Variants in C19orf81 observed in about 807,000 individuals in gnomAD.
C19orf81 encodes chromosome 19 open reading frame 81.
C19orf81 carries 19 observed loss-of-function variants against 22.1 expected under a neutral mutation model. The ratio of observed to expected loss-of-function variants is 0.86; its 90% CI spans 0.60 to 1.26. C19orf81 has a LOEUF of 1.26. Ranked by LOEUF, C19orf81 falls within the 50% of genes most tolerant of loss-of-function variation. The pLI, the probability that C19orf81 is intolerant of heterozygous loss-of-function variation, is 0.00. For synonymous variants in C19orf81, 108 were observed against 113.1 expected (o/e 0.95, Z 0.29); for missense variants, 287 against 280.7 (o/e 1.02, Z -0.16).
rs144601091 is a variant in C19orf81, at chr19:50,658,790, G to A, written c.402-157G>A. ...GTAAGGAGCCTAGAGCGACCCAGGC[G>A]AGAGGGCAGGGCTGGAGGGGAGTTT... On this transcript the variant is annotated intron_variant, in intron 4 of 4. Coordinates refer to ENST00000425202, the MANE Select transcript of C19orf81 (RefSeq NM_001195076.2). Among the ~76,000 whole-genome samples the A allele has an allele frequency of 1.6e-3, 242 of 152,192 alleles. 1 individual carries two copies. Among genetic ancestry groups the A allele is most frequent in the Middle Eastern group, 0.01 (3 of 294 alleles).
chr19:50,657,574 TAATACGAATATAAAAGGA>T lies in C19orf81; in HGVS notation c.262-412_262-395del, dbSNP rs372020179. Among the ~76,000 whole-genome samples, 786 of 152,342 alleles carry T rather than the reference TAATACGAATATAAAAGGA, an allele frequency of 5.2e-3. 9 individuals carry two copies. Among genetic ancestry groups the T allele is most frequent in the African/African-American group, 0.018 (749 of 41,580 alleles). On this transcript the variant is annotated intron_variant, in intron 3 of 4. Transcript: ENST00000425202. ...TGACTACTGAACATTCTTAAAATGC[TAATACGAATATAAAAGGA>T]AAGGTGTGTAACTTAAATCCTGGCA...
In C19orf81 at chr19:50,659,033, T is replaced by C. The variant is rs2123046885; in HGVS notation, c.488T>C (p.Val163Ala). The C allele has an allele frequency of 6.5e-7, 1 of 1,529,346 alleles. No individual in the cohort carries two copies. Among genetic ancestry groups the C allele is most frequent in the Admixed American group, 2.0e-5 (1 of 50,508 alleles). The allele number at this position is 1,529,346 out of a possible 1,614,324, so 94.7% of individuals were successfully genotyped here. ...CCCCGCGGGCTTGCGCACCAGATCG[T>C]GCGCCACGACGACCTCCTGCTGGGC... Reference protein sequence around the residue: ...LSPRGLAHQIVRHDDLLLGDY... With the variant: ...LSPRGLAHQIARHDDLLLGDY... The change falls in exon 5 of 5, where the codon GTG becomes GCG. Residue 163 changes from valine (V) to alanine (A), a missense_variant. By Grantham distance (64) the Val-to-Ala change is moderately conservative. Transcript: ENST00000425202.
Position 50,656,358 on chromosome 19 carries a change from T to C in C19orf81, c.261+12T>C. On this transcript the variant is annotated intron_variant, in intron 3 of 4. Coordinates refer to ENST00000425202, the MANE Select transcript of C19orf81 (RefSeq NM_001195076.2). ...GCATGGAGACCTTGGTGAGTGGACC[T>C]GTGCCCTTATTTTCTGCACAGTTTT... 2.0e-6 allele frequency: 3 copies of C among 1,529,848 alleles called. No homozygotes were observed. The highest frequency in any genetic ancestry group is 2.6e-6 in the Non-Finnish European group (3 of 1,142,812). The allele number at this position is 1,529,848 out of a possible 1,614,324, so 94.8% of individuals were successfully genotyped here.
intron 1 of C19orf81, among the ~76,000 whole-genome samples, chr19:50,654,163 C>G (rs1489116794): frequency 6.6e-6 from 1 of 152,146 alleles, no homozygotes; most frequent in Non-Finnish European, 1.5e-5. Flanking sequence ...CTGCTTCCCT[C>G]CCTTTCAGCA....
At chr19:50,653,101 G>A (rs952680725) in intron 1 of C19orf81, among the ~76,000 whole-genome samples, 1 of 152,096 alleles carries the variant, frequency 6.6e-6, no homozygotes, top group Admixed American at 6.5e-5. Flanking sequence ...GCAGTGGCAC[G>A]ATCCCGGCTC....
intron 1 of C19orf81, among the ~76,000 whole-genome samples, chr19:50,652,578 C>G (rs568480043): frequency 2.0e-4 from 31 of 152,200 alleles, no homozygotes; most frequent in African/African-American, 5.8e-4. Context: ...GAGTCCAAGT[C>G]GCAGAAAAAC....
chr19:50,649,829 C>T (rs942065595), intron 1 of C19orf81: 2 of 506,688 alleles, frequency 3.9e-6, no homozygotes, highest in African/African-American at 3.8e-5. Context: ...CCACCCTGAG[C>T]TCAGCATCTT....
At chr19:50,653,024 T>A (rs1227536976) in intron 1 of C19orf81, among the ~76,000 whole-genome samples, 1 of 152,118 alleles carries the variant, frequency 6.6e-6, no homozygotes, top group South Asian at 2.1e-4. Context: ...CAATGGAAAG[T>A]ATTTTATTCT....
chr19:50,658,522 C>T (rs1242071410), intron 4 of C19orf81: 4 of 262,240 alleles, frequency 1.5e-5, no homozygotes, highest in East Asian at 8.4e-5. Context: ...GAGTAGGGGC[C>T]CGAGTTTGAG....
intron 1 of C19orf81, among the ~76,000 whole-genome samples, chr19:50,655,648 C>CAA (rs772068035): frequency 0.054 from 7,214 of 133,498 alleles, 186 homozygotes; most frequent in African/African-American, 0.072. Context: ...GACTCTGTCT[C>CAA]AAAAAAAAAA....
At chr19:50,650,513 A>G (rs1217917579) in intron 1 of C19orf81, among the ~76,000 whole-genome samples, 1 of 152,210 alleles carries the variant, frequency 6.6e-6, no homozygotes, top group African/African-American at 2.4e-5. Flanking sequence ...ATCTCTAAAA[A>G]TACAAAAATT....
At chr19:50,653,770 G>T (rs533337873) in intron 1 of C19orf81, among the ~76,000 whole-genome samples, 7 of 149,812 alleles carry the variant, frequency 4.7e-5, no homozygotes, top group African/African-American at 1.7e-4. Flanking sequence ...TGTTAGCAAG[G>T]ACTTATTGTT....
At position 50,656,142 on chromosome 19, in the gene C19orf81, C is replaced by G; in HGVS notation, c.140+20C>G. On this transcript the variant is annotated intron_variant, in intron 2 of 4. Coordinates refer to ENST00000425202, the MANE Select transcript of C19orf81 (RefSeq NM_001195076.2). Reference sequence around the variant, plus strand: ...ATCCTCGTGAGTTGTCCCTGGCCCCCATGACCTCTATCTTCCGCCTCCCCA... The same window carrying G: ...ATCCTCGTGAGTTGTCCCTGGCCCCGATGACCTCTATCTTCCGCCTCCCCA... 6.5e-7 allele frequency: 1 copy of G among 1,536,172 alleles called. No homozygotes were observed. Among genetic ancestry groups the G allele is most frequent in the South Asian group, 1.2e-5 (1 of 84,064 alleles).
At chr19:50,654,573 A>T (rs914588849) in intron 1 of C19orf81, among the ~76,000 whole-genome samples, 1 of 151,588 alleles carries the variant, frequency 6.6e-6, no homozygotes, top group African/African-American at 2.4e-5. Context: ...CTGGGATTAC[A>T]GGAGTGAGCC....
At chr19:50,653,319 G>A (rs1290261895) in intron 1 of C19orf81, among the ~76,000 whole-genome samples, 3 of 152,240 alleles carry the variant, frequency 2.0e-5, no homozygotes, top group South Asian at 4.1e-4. Context: ...GATTACAGGC[G>A]TGAGCTACTG....
chr19:50,658,248 A>G, intron 4 of C19orf81, 120 bp downstream of exon 4: 1 of 1,072,140 alleles, frequency 9.3e-7, no homozygotes, highest in Non-Finnish European at 1.3e-6. Context: ...GAAAGCATGA[A>G]TGGGCGGGGC....
chr19:50,659,234 C>T lies in C19orf81; in HGVS notation c.*92C>T, dbSNP rs1985088811. The T allele has an allele frequency of 3.6e-6, 4 of 1,114,962 alleles. No homozygotes were observed. Among genetic ancestry groups the T allele is most frequent in the Non-Finnish European group, 4.6e-6 (4 of 873,408 alleles). 69.1% of individuals were successfully genotyped at this position (1,114,962 alleles called of 1,614,324 possible). A position where few individuals can be genotyped will look rare whatever the true frequency, so the allele number is the denominator to read the frequency against. On this transcript the variant is annotated 3_prime_UTR_variant, in exon 5 of 5. Transcript: ENST00000425202. ...CGGAGGACAGGGGGCGTTGCCTTCCCAGGAAGGAGGCGGGGCCGGCTCGAG... is the reference window on the plus strand; with the variant it reads ...CGGAGGACAGGGGGCGTTGCCTTCCTAGGAAGGAGGCGGGGCCGGCTCGAG...
In C19orf81 at chr19:50,649,530, G is replaced by T. The variant is rs1416789119; in HGVS notation, c.67+19G>T. The T allele has an allele frequency of 8.5e-6, 13 of 1,535,850 alleles. No homozygotes were observed. The highest frequency in any genetic ancestry group is 1.1e-5 in the Non-Finnish European group (13 of 1,146,726). On this transcript the variant is annotated intron_variant, in intron 1 of 4. Coordinates refer to ENST00000425202, the MANE Select transcript of C19orf81 (RefSeq NM_001195076.2). ...AAGGCAGGTACTGAGCTGTGTCTTT[G>T]GGGGAAGGGGTGGACTTCCTCCATC...
At chr19:50,650,866 C>G (rs376961389) in intron 1 of C19orf81, among the ~76,000 whole-genome samples, 2 of 152,288 alleles carry the variant, frequency 1.3e-5, no homozygotes, top group South Asian at 2.1e-4. Flanking sequence ...TTTGGAGACC[C>G]CACAATGCAC....
Sources: allele counts gnomAD v4.1 joint callset (sites outside exome capture counted in the v4.1 genomes callset), GRCh38; gene constraint gnomAD v4.1.1; transcripts MANE v1.5; gene names NCBI Gene and HGNC (gene_info 2026-07-23, HGNC 2026-07-21).